DOCK1: variants seen among roughly 807,000 people sequenced by gnomAD.
DOCK1 encodes dedicator of cytokinesis protein 1.
In DOCK1, 138 loss-of-function variants were observed where a neutral mutation model predicts 262.7. That is an observed-to-expected ratio of 0.53 (90% CI 0.46 to 0.61). The LOEUF (loss-of-function observed/expected upper bound fraction) is 0.61. DOCK1 is among the 20% of genes least tolerant of loss of function. The pLI, the probability that DOCK1 is intolerant of heterozygous loss-of-function variation, is 0.00. For synonymous variants in DOCK1, 866 were observed against 867.4 expected, an observed-to-expected ratio of 1.00 and a Z score of 0.03; for missense variants, 1,908 against 2,370.7, an observed-to-expected ratio of 0.80 and a Z score of 4.05.
At chr10:127,255,940 T>G (rs2059813407) in intron 28 of DOCK1, among the ~76,000 whole-genome samples, 1 of 152,212 alleles carries the variant, frequency 6.6e-6, no homozygotes, top group African/African-American at 2.4e-5. Context: ...ATAATTAAAC[T>G]GGAAAAGAAG....
intron 38 of DOCK1, among the ~76,000 whole-genome samples, chr10:127,398,572 T>G (rs1376409793): frequency 6.6e-6 from 1 of 152,250 alleles, no homozygotes; most frequent in Non-Finnish European, 1.5e-5. Context: ...GTCAGAGACC[T>G]GTGTGGGACT....
chr10:127,173,738 C>T (rs1371633327), intron 27 of DOCK1, among the ~76,000 whole-genome samples: 1 of 152,086 alleles, frequency 6.6e-6, no homozygotes, highest in Non-Finnish European at 1.5e-5. Context: ...TCACTGGTCT[C>T]CCCCACCCCA....
At chr10:127,363,402 A>G (rs1397124197) in intron 33 of DOCK1, among the ~76,000 whole-genome samples, 2 of 152,008 alleles carry the variant, frequency 1.3e-5, no homozygotes, top group African/African-American at 4.8e-5. Context: ...CAGGGAAGTC[A>G]AGGCTGCAGT....
intron 16 of DOCK1, among the ~76,000 whole-genome samples, chr10:127,027,892 G>A (rs2042977660): frequency 6.6e-6 from 1 of 152,032 alleles, no homozygotes; most frequent in Non-Finnish European, 1.5e-5. Context: ...GCTTGGGCCT[G>A]CTGTTGTTCA....
chr10:127,299,395 C>T (rs539199721), intron 29 of DOCK1, among the ~76,000 whole-genome samples: 10 of 152,324 alleles, frequency 6.6e-5, no homozygotes, highest in East Asian at 3.9e-4. Context: ...TGAGCCGCCG[C>T]GCCCGGCCAA....
At chr10:127,208,365 AT>A (rs1040923142) in intron 27 of DOCK1, among the ~76,000 whole-genome samples, 29 of 152,314 alleles carry the variant, frequency 1.9e-4, no homozygotes, top group African/African-American at 6.7e-4. Flanking sequence ...TCTCCAGCTG[AT>A]TGATTTAGTA....
At chr10:127,141,407 A>G (rs1466589253) in intron 27 of DOCK1, among the ~76,000 whole-genome samples, 4 of 152,168 alleles carry the variant, frequency 2.6e-5, no homozygotes, top group Non-Finnish European at 1.5e-5. Context: ...ACAGAGTCTT[A>G]AAAGGCAAAT....
chr10:127,093,513 C>G lies in DOCK1; in HGVS notation c.2446-12718C>G, dbSNP rs546297095. ...GATCACAGACGCGTGCCATTGCGCC[C>G]ACCTAATATTTTGTATTTTTGGTAG... is the stretch of plus-strand genomic sequence containing the variant. On this transcript the variant is annotated intron_variant, in intron 23 of 51. Coordinates refer to ENST00000623213, the MANE Select transcript of DOCK1 (RefSeq NM_001290223.2). Among the ~76,000 whole-genome samples, 51 of 151,982 alleles carry G rather than the reference C, an allele frequency of 3.4e-4. 2 individuals are homozygous for G. In the South Asian group the frequency reaches 1.0e-2, roughly 30 times the overall value.
intron 3 of DOCK1, 29 bp from the exon 4 acceptor site, chr10:126,981,889 A>T (rs777115259): frequency 5.6e-6 from 9 of 1,601,634 alleles, no homozygotes; most frequent in Non-Finnish European, 7.7e-6. Flanking sequence ...TTGATAATAA[A>T]AGCTACTGTT....
chr10:127,384,769 C>T (rs746643139), intron 37 of DOCK1, 21 bp from the exon 38 acceptor site: 31 of 1,541,440 alleles, frequency 2.0e-5, no homozygotes, highest in South Asian at 3.8e-5. Flanking sequence ...CGGGTCCGCT[C>T]ATGCTATGCT....
Position 126,970,702 on chromosome 10 carries a change from C to T in DOCK1, c.47C>T (p.Ala16Val). 1 of 1,606,224 alleles carries T rather than the reference C, an allele frequency of 6.2e-7. No individual in the cohort carries two copies. Among genetic ancestry groups the T allele is most frequent in the Non-Finnish European group, 8.5e-7 (1 of 1,173,310 alleles). ...PTKREEKYGV[A>V]FYNYDARGAD... ...TATATTTCCCCTTTTTTCATCACAG[C>T]TTTTTATAACTATGATGCCAGAGGA... is the stretch of plus-strand genomic sequence containing the variant. Residue 16 changes from alanine to valine, a missense_variant and splice_region_variant, in exon 2 of 52, where the codon GCT becomes GTT. Around this residue, in one of 9 missense-constraint regions of DOCK1, gnomAD observed 227 missense variants for 254.1 expected, o/e 0.89. Coordinates refer to ENST00000623213, the MANE Select transcript of DOCK1 (RefSeq NM_001290223.2).
chr10:127,032,167 A>G lies in DOCK1; in HGVS notation c.1759A>G (p.Thr587Ala). ...AGCAAAGAAGCTGGAAGATGCTGCC[A>G]CGTACTTGAGTCTGCCCTCCACGAA... ...AEAKKLEDAA[T>A]YLSLPSTKAE... The change falls in exon 18 of 52, where the codon ACG (threonine) becomes GCG (alanine). Residue 587 changes from threonine (T) to alanine (A), a missense_variant. Physicochemically the swap from Thr to Ala is moderately conservative, Grantham distance 58. Around this residue, in one of 9 missense-constraint regions of DOCK1, gnomAD observed 294 missense variants for 439.9 expected, o/e 0.67. Transcript: ENST00000623213. 6.3e-7 allele frequency: 1 copy of G among 1,597,314 alleles called. No individual in the cohort carries two copies. Among genetic ancestry groups the G allele is most frequent in the Non-Finnish European group, 8.5e-7 (1 of 1,171,734 alleles).
chr10:127,040,428 T>TCATGCTGGG (rs1033320522), intron 19 of DOCK1, among the ~76,000 whole-genome samples: 1 of 152,168 alleles, frequency 6.6e-6, no homozygotes, highest in Non-Finnish European at 1.5e-5. Flanking sequence ...GTCTCTGATC[T>TCATGCTGGG]CATGCTGGGC....
At chr10:127,011,744 G>A (rs1459202504) in intron 11 of DOCK1, among the ~76,000 whole-genome samples, 1 of 151,950 alleles carries the variant, frequency 6.6e-6, no homozygotes, top group Non-Finnish European at 1.5e-5. Context: ...AGTCCAGGAG[G>A]GTAGAGTAGA....
chr10:127,112,052 C>A (rs2048899051), intron 25 of DOCK1, among the ~76,000 whole-genome samples: 2 of 150,712 alleles, frequency 1.3e-5, no homozygotes, highest in Non-Finnish European at 2.9e-5. Context: ...TGCGCTGTTG[C>A]CGAGGCTGGA....
chr10:127,005,172 A>G (rs1403698980), intron 10 of DOCK1, among the ~76,000 whole-genome samples: 1 of 151,880 alleles, frequency 6.6e-6, no homozygotes, highest in East Asian at 2.0e-4. Context: ...CCCCATCCCT[A>G]CCCAAAAAAA....
chr10:127,390,219 C>G (rs1005995874), intron 38 of DOCK1, among the ~76,000 whole-genome samples: 2 of 152,136 alleles, frequency 1.3e-5, no homozygotes, highest in Admixed American at 1.3e-4. Flanking sequence ...TTTAAGCCCT[C>G]TGAGCAGCTG....
At chr10:127,444,357 G>T in intron 50 of DOCK1, 78 bp downstream of exon 50, 1 of 1,470,884 alleles carries the variant, frequency 6.8e-7, no homozygotes, top group Non-Finnish European at 9.0e-7. Context: ...GAGGTTAGAA[G>T]CGCTTCCTCC....
intron 27 of DOCK1, among the ~76,000 whole-genome samples, chr10:127,203,519 A>C (rs2057567751): frequency 6.6e-6 from 1 of 152,220 alleles, no homozygotes. Context: ...ATTGGAAAGC[A>C]AGCATTTTAT....
Sources: allele counts gnomAD v4.1 joint callset (sites outside exome capture counted in the v4.1 genomes callset), GRCh38; gene constraint gnomAD v4.1.1; regional missense constraint gnomAD v4.1.1; transcripts MANE v1.5; gene names NCBI Gene and HGNC (gene_info 2026-07-23, HGNC 2026-07-21).